Variants in APP observed in about 807,000 individuals in gnomAD.
The protein encoded by APP is amyloid beta precursor protein.
A neutral mutation model predicts 101.4 loss-of-function variants in APP; 31 were observed. That is an observed-to-expected ratio of 0.31 (90% CI 0.23 to 0.41). The LOEUF (loss-of-function observed/expected upper bound fraction) is 0.41, where lower values mean the gene tolerates loss of function less well. Ranked by LOEUF, APP falls within the 10% of genes least tolerant of loss-of-function variation. The pLI is 1.00. For missense variants in APP, 839 were observed against 1,003.7 expected (o/e 0.84, Z 2.22); for synonymous variants, 366 against 364.4 (o/e 1.00, Z -0.05).
intron 1 of APP, among the ~76,000 whole-genome samples, chr21:26,132,190 G>A (rs2062810931): frequency 6.6e-6 from 1 of 152,158 alleles, no homozygotes; most frequent in African/African-American, 2.4e-5. Context: ...AATAGCTACT[G>A]CACTCCAGCC....
intron 7 of APP, 81 bp from the exon 8 acceptor site, chr21:25,997,497 CA>C (rs1246177180): frequency 1.6e-6 from 2 of 1,263,148 alleles, no homozygotes. Context: ...AGTCCACTGA[CA>C]AAAAAACAAC....
chr21:25,990,330 A>G (rs1184360556), intron 8 of APP, among the ~76,000 whole-genome samples: 2 of 152,238 alleles, frequency 1.3e-5, no homozygotes, highest in Non-Finnish European at 2.9e-5. Flanking sequence ...ACTGAATGTG[A>G]AGGAACGAAT....
At chr21:25,893,163 A>T (rs1007303170) in intron 16 of APP, among the ~76,000 whole-genome samples, 2 of 152,138 alleles carry the variant, frequency 1.3e-5, no homozygotes, top group African/African-American at 4.8e-5. Context: ...GTGTCATGAA[A>T]CATGCCCATA....
intron 13 of APP, chr21:25,934,550 C>G (rs938518372): frequency 1.3e-5 from 2 of 152,190 alleles, no homozygotes; most frequent in African/African-American, 4.8e-5. Flanking sequence ...ATTCTCCTGC[C>G]TCAGCCTCCC....
chr21:26,136,385 T>G (rs1318089922), intron 1 of APP, among the ~76,000 whole-genome samples: 9 of 152,058 alleles, frequency 5.9e-5, no homozygotes, highest in Non-Finnish European at 1.3e-4. Context: ...ATGATTCTAC[T>G]GTACCCTGGA....
chr21:25,970,117 A>G (rs920134558), intron 11 of APP, among the ~76,000 whole-genome samples: 1 of 152,116 alleles, frequency 6.6e-6, no homozygotes, highest in African/African-American at 2.4e-5. Context: ...ACAGTAAAAT[A>G]TTTCTTCCTA....
At chr21:26,144,848 T>C (rs2063122152) in intron 1 of APP, among the ~76,000 whole-genome samples, 1 of 152,240 alleles carries the variant, frequency 6.6e-6, no homozygotes, top group Admixed American at 6.5e-5. Context: ...TGATGTTCAA[T>C]GTGCTGAACA....
chr21:26,094,379 C>A (rs1205984920), intron 2 of APP, among the ~76,000 whole-genome samples: 1 of 152,036 alleles, frequency 6.6e-6, no homozygotes, highest in Admixed American at 6.6e-5. Flanking sequence ...GCAACTGCCA[C>A]ATGCACAGCC....
intron 4 of APP, 35 bp downstream of exon 4, chr21:26,053,201 C>G (rs1315825512): frequency 1.4e-6 from 2 of 1,479,740 alleles, no homozygotes; most frequent in Non-Finnish European, 1.9e-6. Context: ...AGGAAATCTT[C>G]ACTTTGCAAT....
chr21:25,898,297 C>T (rs905892195), intron 15 of APP, among the ~76,000 whole-genome samples: 1 of 152,200 alleles, frequency 6.6e-6, no homozygotes, highest in South Asian at 2.1e-4. Flanking sequence ...TTCTTAGCAA[C>T]TAACAGAATT....
intron 7 of APP, 138 bp from the exon 8 acceptor site, chr21:25,997,554 C>G: frequency 1.4e-6 from 1 of 723,996 alleles, no homozygotes; most frequent in Non-Finnish European, 2.4e-6. Flanking sequence ...TCCAACAAAA[C>G]CAAAATGAAC....
chr21:25,961,244 C>A (rs1040346295), intron 11 of APP, among the ~76,000 whole-genome samples: 9 of 152,162 alleles, frequency 5.9e-5, no homozygotes, highest in African/African-American at 2.2e-4. Flanking sequence ...CCTTTCCAGA[C>A]CAAACCAATG....
intron 3 of APP, among the ~76,000 whole-genome samples, chr21:26,058,221 T>C (rs548826056): frequency 6.6e-6 from 1 of 152,318 alleles, no homozygotes; most frequent in South Asian, 2.1e-4. Context: ...AAGACAAAGG[T>C]GAAAGGTTTT....
intron 13 of APP, among the ~76,000 whole-genome samples, chr21:25,917,302 G>C (rs1241652790): frequency 6.6e-6 from 1 of 150,640 alleles, no homozygotes; most frequent in East Asian, 1.9e-4. Context: ...ATGTATACGA[G>C]GCATACTTAG....
intron 1 of APP, among the ~76,000 whole-genome samples, chr21:26,132,753 G>A (rs1452877192): frequency 6.6e-6 from 1 of 152,202 alleles, no homozygotes; most frequent in Non-Finnish European, 1.5e-5. Flanking sequence ...TTATGTTACA[G>A]ACTATAGTAT....
At chr21:25,987,713 G>C (rs1378921094) in intron 8 of APP, among the ~76,000 whole-genome samples, 2 of 152,164 alleles carry the variant, frequency 1.3e-5, no homozygotes. Context: ...TGCCACCCTG[G>C]GAAGTCAGAG....
chr21:26,020,339 T>C (rs1213776237), intron 6 of APP, among the ~76,000 whole-genome samples: 1 of 152,214 alleles, frequency 6.6e-6, no homozygotes, highest in Admixed American at 6.5e-5. Flanking sequence ...GACGAAAATG[T>C]TCTAAGATTA....
intron 7 of APP, among the ~76,000 whole-genome samples, chr21:25,998,931 A>C (rs1222555850): frequency 6.6e-6 from 1 of 152,260 alleles, no homozygotes; most frequent in East Asian, 1.9e-4. Context: ...CACTTAAGTC[A>C]TCATGACTTC....
At chr21:25,946,387 C>T (rs1037539125) in intron 13 of APP, among the ~76,000 whole-genome samples, 10 of 152,208 alleles carry the variant, frequency 6.6e-5, no homozygotes, top group Middle Eastern at 3.4e-3. Flanking sequence ...AACAGCAGGC[C>T]GAGTGCAGTG....
Sources: allele counts gnomAD v4.1 joint callset (sites outside exome capture counted in the v4.1 genomes callset), GRCh38; gene constraint gnomAD v4.1.1; transcripts MANE v1.5; gene names NCBI Gene and HGNC (gene_info 2026-07-23, HGNC 2026-07-21).